Variants in CDC42BPB observed in about 807,000 individuals in gnomAD.
CDC42BPB encodes CDC42 binding protein kinase beta, also known as serine/threonine-protein kinase MRCK beta.
In CDC42BPB, 37 loss-of-function variants were observed where a neutral mutation model predicts 214.9. That is an observed-to-expected ratio of 0.17 (90% CI 0.13 to 0.23). CDC42BPB has a LOEUF of 0.23. Among genes scored for constraint, CDC42BPB ranks in the 10% least tolerant of loss-of-function variants. The pLI, the probability that CDC42BPB is intolerant of heterozygous loss-of-function variation, is 1.00. For synonymous variants in CDC42BPB, 931 were observed against 884.0 expected (o/e 1.05, Z -0.94); for missense variants, 1,694 against 2,227.0 (o/e 0.76, Z 4.82).
Position 103,019,342 on chromosome 14 carries a change from G to A in CDC42BPB, c.176-7154C>T, listed in dbSNP as rs577288102. Among the ~76,000 whole-genome samples the A allele has an allele frequency of 8.5e-5, 13 of 152,288 alleles. No individual in the cohort carries two copies. The South Asian group carries it at 2.7e-3, about 32-fold the overall frequency. On this transcript the variant is annotated intron_variant, in intron 1 of 36. Transcript: ENST00000361246. Reference sequence around the variant, plus strand: ...GGCTCCAAGTTGCAGCAACTGGGAGGCTACTGTCCACCACGCCTTGCATTG... The same window carrying A: ...GGCTCCAAGTTGCAGCAACTGGGAGACTACTGTCCACCACGCCTTGCATTG...
chr14:103,039,670 T>C (rs1379029951), intron 1 of CDC42BPB, among the ~76,000 whole-genome samples: 1 of 152,134 alleles, frequency 6.6e-6, no homozygotes, highest in Non-Finnish European at 1.5e-5. Flanking sequence ...CCACACTTAA[T>C]GGTGAAGGCT....
rs529879971 is a variant in CDC42BPB at position 103,004,213 on chromosome 14, C to T, written c.352-190G>A. 2.8e-5 allele frequency: 37 copies of T among 1,321,452 alleles called. No homozygotes were observed. The African/African-American group carries it at 3.0e-4, about 11-fold the overall frequency. The allele number at this position is 1,321,452 out of a possible 1,614,324, so 81.9% of individuals were successfully genotyped here. On this transcript the variant is annotated intron_variant, in intron 3 of 36. Transcript: ENST00000361246. This position sits in a 1 kb window ranked among gnomAD's most constrained non-coding sequence, Gnocchi z 5.3. ...CCTCATCCCTTCCTCTCCCAAGCCC[C>T]GTGCAAGTGCCAAGGGCTGCTGAGG...
chr14:103,056,178 G>A (rs886438070), intron 1 of CDC42BPB, among the ~76,000 whole-genome samples: 1 of 152,086 alleles, frequency 6.6e-6, no homozygotes, highest in East Asian at 1.9e-4. Flanking sequence ...GAACGAACTA[G>A]AGAAGGCATG....
chr14:102,958,677 C>T lies in CDC42BPB; in HGVS notation c.2901+954G>A, dbSNP rs569190040. Among the ~76,000 whole-genome samples the T allele has an allele frequency of 1.4e-4, 21 of 152,172 alleles. 1 individual carries two copies. The highest frequency in any genetic ancestry group is 1.2e-3 in the South Asian group (6 of 4,810). ...AGCTAATTCCCAAGTAGATGACCAG[C>T]GGCTCCGACTGCCTGAGGGGGTTGG... On this transcript the variant is annotated intron_variant, in intron 21 of 36. Coordinates refer to ENST00000361246, the MANE Select transcript of CDC42BPB (RefSeq NM_006035.4).
chr14:102,964,338 C>T (rs1010589673), intron 19 of CDC42BPB, among the ~76,000 whole-genome samples, 164 bp downstream of exon 19: 1 of 152,234 alleles, frequency 6.6e-6, no homozygotes, highest in Non-Finnish European at 1.5e-5. Flanking sequence ...GCCTGCTATT[C>T]GGGGCTCCTG....
Position 102,943,466 on chromosome 14 carries a change from A to C in CDC42BPB, c.4408+425T>G, listed in dbSNP as rs1213075979. On this transcript the variant is annotated intron_variant, in intron 30 of 36. Transcript: ENST00000361246. This position sits in a 1 kb window ranked among gnomAD's most constrained non-coding sequence, Gnocchi z 4.6. The stretch of plus-strand genomic sequence containing the variant: ...CCTTAGAGGGACTGTAACTTAAGAC[A>C]CCAGAGGTGAATTATTTTCTGGCCA... Among the ~76,000 whole-genome samples, 1 of 152,104 alleles carries C rather than the reference A, an allele frequency of 6.6e-6. No individual in the cohort carries two copies. Among genetic ancestry groups the C allele is most frequent in the Non-Finnish European group, 1.5e-5 (1 of 68,022 alleles).
intron 4 of CDC42BPB, among the ~76,000 whole-genome samples, chr14:103,003,099 C>A (rs1895064758): frequency 6.6e-6 from 1 of 152,146 alleles, no homozygotes; most frequent in Admixed American, 6.5e-5. Flanking sequence ...TTGGTGACCA[C>A]AGCGACCACG....
chr14:102,983,477 T>C, intron 7 of CDC42BPB, 79 bp downstream of exon 7: 1 of 1,572,620 alleles, frequency 6.4e-7, no homozygotes, highest in Non-Finnish European at 8.6e-7. Context: ...TCCTAACGGA[T>C]CTTCCTGCAC....
chr14:103,047,917 T>C (rs1180948390), intron 1 of CDC42BPB, among the ~76,000 whole-genome samples: 1 of 102,772 alleles, frequency 9.7e-6, no homozygotes, highest in Non-Finnish European at 2.1e-5. Context: ...AAAAAAAGCA[T>C]TTTCAGACAG....
At chr14:103,002,646 G>A (rs528823823) in intron 4 of CDC42BPB, among the ~76,000 whole-genome samples, 2 of 152,192 alleles carry the variant, frequency 1.3e-5, no homozygotes, top group Non-Finnish European at 2.9e-5. Context: ...CCCAGAGCAG[G>A]GGATCCGGAA....
chr14:102,964,453 G>C, intron 19 of CDC42BPB, 49 bp downstream of exon 19: 1 of 1,600,644 alleles, frequency 6.2e-7, no homozygotes, highest in South Asian at 1.1e-5. Context: ...CGGGCTCGAG[G>C]CCACACAGCC....
At chr14:103,011,500 G>C (rs1465976816) in intron 2 of CDC42BPB, among the ~76,000 whole-genome samples, 1 of 152,130 alleles carries the variant, frequency 6.6e-6, no homozygotes, top group African/African-American at 2.4e-5. Context: ...TGGGAGGCTG[G>C]GCGGGGCATC....
intron 4 of CDC42BPB, among the ~76,000 whole-genome samples, chr14:103,003,290 C>T (rs1895076031): frequency 6.6e-6 from 1 of 152,230 alleles, no homozygotes; most frequent in Admixed American, 6.5e-5. Context: ...CTGCGGGTCA[C>T]TCAGCGGCCA....
intron 25 of CDC42BPB, 102 bp downstream of exon 25, chr14:102,950,364 C>A: frequency 6.8e-7 from 1 of 1,468,082 alleles, no homozygotes; most frequent in Non-Finnish European, 9.3e-7. Flanking sequence ...ACCAGGGCCA[C>A]CTGCCGCAGC....
At chr14:103,039,573 C>T (rs1475449322) in intron 1 of CDC42BPB, among the ~76,000 whole-genome samples, 1 of 152,144 alleles carries the variant, frequency 6.6e-6, no homozygotes, top group East Asian at 1.9e-4. Flanking sequence ...ATCCAACACC[C>T]TTTCACATCA....
chr14:103,046,269 C>T (rs1273291068), intron 1 of CDC42BPB, among the ~76,000 whole-genome samples: 1 of 152,018 alleles, frequency 6.6e-6, no homozygotes, highest in African/African-American at 2.4e-5. Context: ...AGACTTACAG[C>T]CCCAAAATAA....
At chr14:103,002,309 C>T (rs941903315) in intron 4 of CDC42BPB, among the ~76,000 whole-genome samples, 1 of 152,208 alleles carries the variant, frequency 6.6e-6, no homozygotes, top group Admixed American at 6.5e-5. Context: ...GTTTTCTCAT[C>T]CTTAATTTTC....
At position 102,954,195 on chromosome 14, in the gene CDC42BPB, T is replaced by C; in HGVS notation, c.3066+3A>G. 1 of 1,546,040 alleles carries C rather than the reference T, an allele frequency of 6.5e-7. No individual in the cohort carries two copies. Among genetic ancestry groups the C allele is most frequent in the Non-Finnish European group, 8.7e-7 (1 of 1,143,036 alleles). Reference sequence around the variant, plus strand: ...GCGCCCCGGGTGAAAGCAAGGCCCCTACCTTCGGTCCAGCCAGAGCCAGGG... The same window carrying C: ...GCGCCCCGGGTGAAAGCAAGGCCCCCACCTTCGGTCCAGCCAGAGCCAGGG... On this transcript the variant is annotated splice_donor_region_variant and intron_variant, in intron 23 of 36. Coordinates refer to ENST00000361246, the MANE Select transcript of CDC42BPB (RefSeq NM_006035.4).
At position 102,940,280 on chromosome 14, in the gene CDC42BPB, C is replaced by T. The variant is rs61745673; in HGVS notation, c.4453G>A (p.Asp1485Asn). ...TCCATGGTGCGCACATCAAAGACGT[C>T]CACGCCATACTCGCTGTACACCGTG... ...HVTVYSEYGV[D>N]VFDVRTMEWV... The change falls in exon 31 of 37, where the codon GAC (aspartate) becomes AAC (asparagine). Residue 1485 changes from aspartate (D) to asparagine (N), a missense_variant. Physicochemically the swap from Asp to Asn is conservative, Grantham distance 23 (BLOSUM62 1). Around this residue, in one of 7 missense-constraint regions of CDC42BPB, gnomAD observed 567 missense variants for 790.3 expected, o/e 0.72. Coordinates refer to ENST00000361246, the MANE Select transcript of CDC42BPB (RefSeq NM_006035.4). 1 of 1,592,384 alleles carries T rather than the reference C, an allele frequency of 6.3e-7. No individual in the cohort carries two copies. The highest frequency in any genetic ancestry group is 8.6e-7 in the Non-Finnish European group (1 of 1,169,442).
Sources: allele counts gnomAD v4.1 joint callset (sites outside exome capture counted in the v4.1 genomes callset), GRCh38; gene constraint gnomAD v4.1.1; regional missense constraint gnomAD v4.1.1; non-coding constraint Gnocchi (gnomAD v3.1); transcripts MANE v1.5; gene names NCBI Gene and HGNC (gene_info 2026-07-23, HGNC 2026-07-21).